NCOA3: variants seen among roughly 807,000 people sequenced by gnomAD.
NCOA3 encodes CBP-interacting protein.
In NCOA3, 51 loss-of-function variants were observed where a neutral mutation model predicts 158.8. The observed-to-expected ratio is 0.32, with a 90% confidence interval of 0.26 to 0.41. The LOEUF is 0.41. Ranked by LOEUF, NCOA3 falls within the 10% of genes least tolerant of loss-of-function variation. The probability of loss-of-function intolerance (pLI) is 1.00; values close to 1 mark genes in which losing one functional copy is unlikely to be tolerated. For synonymous variants in NCOA3, 537 were observed against 592.4 expected (o/e 0.91, Z 1.36); for missense variants, 1,510 against 1,746.6 (o/e 0.86, Z 2.41).
rs1315178824 is a variant in NCOA3 at position 47,528,816 on chromosome 20, C to G, written c.-99+26797C>G. Among the ~76,000 whole-genome samples, 3 of 152,114 alleles carry G rather than the reference C, an allele frequency of 2.0e-5. No individual in the cohort carries two copies. In the East Asian group the frequency reaches 5.8e-4, roughly 29 times the overall value. Reference sequence around the variant, plus strand: ...GAAACGGAGTTTCGCTTTTGTTGCCCAGGCTGAAGTGCAATGGTGTGATCT... The same window carrying G: ...GAAACGGAGTTTCGCTTTTGTTGCCGAGGCTGAAGTGCAATGGTGTGATCT... On this transcript the variant is annotated intron_variant, in intron 1 of 22. Transcript: ENST00000371998.
chr20:47,622,617 G>A (rs1292646322), intron 3 of NCOA3, among the ~76,000 whole-genome samples: 2 of 152,150 alleles, frequency 1.3e-5, no homozygotes, highest in Non-Finnish European at 2.9e-5. Flanking sequence ...GTTATGTCAC[G>A]TGCGTCCGTG....
chr20:47,545,493 TGTTG>T (rs569593560), intron 1 of NCOA3, among the ~76,000 whole-genome samples: 2 of 152,034 alleles, frequency 1.3e-5, no homozygotes, highest in Non-Finnish European at 1.5e-5. Flanking sequence ...ATCTTATTGG[TGTTG>T]GTTGGTCTGA....
At position 47,621,654 on chromosome 20, in the gene NCOA3, A is replaced by ATTTTTTTTTTTTTTTTTTTTTT. The variant is rs749582388; in HGVS notation, c.-19-558_-19-557insTTTTTTTTTTTTTTTTTTTTTT. 1.2e-4 allele frequency among the ~76,000 whole-genome samples: 14 copies of ATTTTTTTTTTTTTTTTTTTTTT among 119,792 alleles called. 2 individuals carry two copies. Among genetic ancestry groups the ATTTTTTTTTTTTTTTTTTTTTT allele is most frequent in the African/African-American group, 4.4e-4 (13 of 29,444 alleles). The allele number at this position is 119,792 out of a possible 152,430, so 78.6% of individuals were successfully genotyped here. Reference sequence around the variant, plus strand: ...AGCATACTATTTTTCCATCAGTCAAATTTTTTTTTTTTTTTTTGAGACGGA... The same window carrying ATTTTTTTTTTTTTTTTTTTTTT: ...AGCATACTATTTTTCCATCAGTCAAATTTTTTTTTTTTTTTTTTTTTTTTTTTTTTTTTTTTTTTGAGACGGA... On this transcript the variant is annotated intron_variant, in intron 2 of 22. Transcript: ENST00000371998.
At chr20:47,592,022 A>G (rs1359451114) in intron 2 of NCOA3, among the ~76,000 whole-genome samples, 2 of 152,038 alleles carry the variant, frequency 1.3e-5, no homozygotes, top group African/African-American at 4.8e-5. Flanking sequence ...CTGGGACTCC[A>G]ATCATACTTG....
intron 17 of NCOA3, among the ~76,000 whole-genome samples, chr20:47,643,085 T>G (rs1267180465): frequency 6.6e-6 from 1 of 152,216 alleles, no homozygotes. Context: ...TAATTTCTTT[T>G]GTATTTTTAG....
At chr20:47,552,717 C>G (rs1194215751) in intron 1 of NCOA3, among the ~76,000 whole-genome samples, 1 of 151,982 alleles carries the variant, frequency 6.6e-6, no homozygotes, top group Non-Finnish European at 1.5e-5. Flanking sequence ...TTGTTTTTAT[C>G]AAACCAGTTT....
chr20:47,560,968 CTTTTTTT>C (rs11481985), intron 1 of NCOA3, among the ~76,000 whole-genome samples: 5 of 101,186 alleles, frequency 4.9e-5, no homozygotes, highest in East Asian at 3.0e-4. Flanking sequence ...ATCCCTCATT[CTTTTTTT>C]TTTTTTTTTT....
At chr20:47,621,502 T>C (rs557354035) in intron 2 of NCOA3, among the ~76,000 whole-genome samples, 2 of 152,138 alleles carry the variant, frequency 1.3e-5, no homozygotes, top group Non-Finnish European at 2.9e-5. Flanking sequence ...GTGATCGTCT[T>C]GTTTTAAACA....
intron 1 of NCOA3, among the ~76,000 whole-genome samples, chr20:47,537,995 T>C (rs1165659200): frequency 2.0e-5 from 3 of 152,144 alleles, no homozygotes; most frequent in Non-Finnish European, 4.4e-5. Context: ...TTCTCCTGTC[T>C]CAGCTTCCTG....
intron 6 of NCOA3, 65 bp downstream of exon 6, chr20:47,627,241 T>C: frequency 7.6e-7 from 1 of 1,316,902 alleles, no homozygotes; most frequent in Non-Finnish European, 1.0e-6. Context: ...TCTTAGAAAA[T>C]TGAATGTATC....
chr20:47,627,911 T>C lies in NCOA3; in HGVS notation c.722-11T>C. On this transcript the variant is annotated splice_polypyrimidine_tract_variant and intron_variant, in intron 7 of 22. Coordinates refer to ENST00000371998, the MANE Select transcript of NCOA3 (RefSeq NM_181659.3). Reference sequence around the variant, plus strand: ...AGTATAATCCTTACCAGGGTGAATTTTTTATTGTAGATTTGCAATCTTGTA... The same window carrying C: ...AGTATAATCCTTACCAGGGTGAATTCTTTATTGTAGATTTGCAATCTTGTA... The C allele has an allele frequency of 1.2e-6, 2 of 1,611,702 alleles. No individual in the cohort carries two copies. Among genetic ancestry groups the C allele is most frequent in the Non-Finnish European group, 1.7e-6 (2 of 1,178,220 alleles).
At chr20:47,594,297 TAC>T (rs1465638849) in intron 2 of NCOA3, among the ~76,000 whole-genome samples, 5 of 152,190 alleles carry the variant, frequency 3.3e-5, no homozygotes, top group Non-Finnish European at 7.3e-5. Context: ...GATTCTACAT[TAC>T]GGAACCTTTT....
intron 1 of NCOA3, among the ~76,000 whole-genome samples, chr20:47,559,700 G>T (rs931680907): frequency 2.0e-5 from 3 of 152,066 alleles, no homozygotes; most frequent in African/African-American, 7.2e-5. Flanking sequence ...GGCCAACATG[G>T]TGAAACCCCG....
chr20:47,592,757 A>C (rs1161064808), intron 2 of NCOA3, among the ~76,000 whole-genome samples: 1 of 152,228 alleles, frequency 6.6e-6, no homozygotes, highest in Admixed American at 6.5e-5. Context: ...ATGCTACTTA[A>C]TTAACAACAT....
intron 2 of NCOA3, among the ~76,000 whole-genome samples, chr20:47,615,505 A>G (rs1275293307): frequency 1.3e-4 from 20 of 152,208 alleles, no homozygotes; most frequent in Admixed American, 1.2e-3. Context: ...CCAAATAACC[A>G]AAAGGAAAGC....
intron 1 of NCOA3, among the ~76,000 whole-genome samples, chr20:47,533,284 C>CAAAA (rs1158802672): frequency 3.6e-5 from 2 of 54,816 alleles, no homozygotes; most frequent in African/African-American, 7.8e-5. Flanking sequence ...GGTTCCGTCT[C>CAAAA]AAAAAAAAAA....
intron 1 of NCOA3, among the ~76,000 whole-genome samples, chr20:47,532,861 T>C (rs2084568689): frequency 6.6e-6 from 1 of 151,942 alleles, no homozygotes; most frequent in African/African-American, 2.4e-5. Flanking sequence ...CCCAGCACTT[T>C]GGGAGGCTGA....
intron 1 of NCOA3, among the ~76,000 whole-genome samples, chr20:47,502,364 C>T (rs1474856535): frequency 1.3e-5 from 2 of 152,112 alleles, no homozygotes; most frequent in South Asian, 2.1e-4. Context: ...GTTTTTTCTT[C>T]CTCTTGCCTC....
intron 2 of NCOA3, among the ~76,000 whole-genome samples, chr20:47,615,870 A>G (rs978030191): frequency 4.6e-5 from 7 of 152,192 alleles, no homozygotes; most frequent in African/African-American, 1.7e-4. Context: ...ACATTAAAGT[A>G]ATTGTGACGA....
Sources: allele counts gnomAD v4.1 joint callset (sites outside exome capture counted in the v4.1 genomes callset), GRCh38; gene constraint gnomAD v4.1.1; transcripts MANE v1.5; gene names NCBI Gene and HGNC (gene_info 2026-07-23, HGNC 2026-07-21).